Variants in ASB15 observed in about 807,000 individuals in gnomAD.
ASB15 encodes the protein ankyrin repeat and SOCS box containing 15.
Under a neutral mutation model 58.0 loss-of-function variants are expected in ASB15, and 54 were observed. That is an observed-to-expected ratio of 0.93 (90% confidence interval 0.75 to 1.17). ASB15 has a LOEUF of 1.17. ASB15 is among the 50% of genes most tolerant of loss of function. ASB15 has a pLI of 0.00. For synonymous variants in ASB15, 249 were observed against 262.4 expected (o/e 0.95, Z 0.50); for missense variants, 680 against 707.4 (o/e 0.96, Z 0.44).
At chr7:123,608,251 A>G (rs1312895450) in intron 2 of ASB15, among the ~76,000 whole-genome samples, 1 of 152,202 alleles carries the variant, frequency 6.6e-6, no homozygotes, top group African/African-American at 2.4e-5. Context: ...AAGCCCCAAA[A>G]TTTGAAGAGA....
intron 3 of ASB15, among the ~76,000 whole-genome samples, chr7:123,613,729 CT>C (rs1562927992): frequency 6.6e-6 from 1 of 152,106 alleles, no homozygotes; most frequent in Non-Finnish European, 1.5e-5. Context: ...GACTTTGAAG[CT>C]GACCATTGCT....
chr7:123,602,429 C>G (rs1799926724), intron 1 of ASB15, among the ~76,000 whole-genome samples: 1 of 152,012 alleles, frequency 6.6e-6, no homozygotes, highest in Admixed American at 6.5e-5. Flanking sequence ...AATTATATCA[C>G]AAAATCTAAA....
Position 123,616,424 on chromosome 7 carries a change from A to C in ASB15, c.221A>C (p.Glu74Ala), listed in dbSNP as rs1167291216. 1 of 1,608,596 alleles carries C rather than the reference A, an allele frequency of 6.2e-7. No homozygotes were observed. The highest frequency in any genetic ancestry group is 1.7e-5 in the Admixed American group (1 of 59,942). Residue 74 changes from glutamate (E) to alanine (A), a missense_variant, in exon 6 of 12, where the codon GAA (glutamate) becomes GCA (alanine). Transcript: ENST00000451215. ...KYKYAMDEAD[E>A]KGWFPLHEAV... ...AAATATGCAATGGATGAAGCTGATG[A>C]AAAAGGATGGTTTCCATTGCATGAA...
chr7:123,622,443 T>C (rs895862522), intron 7 of ASB15, among the ~76,000 whole-genome samples: 5 of 152,172 alleles, frequency 3.3e-5, no homozygotes, highest in African/African-American at 1.2e-4. Flanking sequence ...TTGGAAGGGA[T>C]TTCCTACCAT....
At chr7:123,597,495 A>T (rs1293445864), upstream of ASB15, among the ~76,000 whole-genome samples, 1 of 152,124 alleles carries the variant, frequency 6.6e-6, no homozygotes, top group Non-Finnish European at 1.5e-5. Flanking sequence ...AGAGTTCTGT[A>T]TTATTTGTGT....
Position 123,617,734 on chromosome 7 carries a change from A to C in ASB15, c.448A>C (p.Ile150Leu), listed in dbSNP as rs770583211. 1.9e-6 allele frequency: 3 copies of C among 1,605,934 alleles called. No individual in the cohort carries two copies. The highest frequency in any genetic ancestry group is 2.6e-6 in the Non-Finnish European group (3 of 1,175,538). Residue 150 changes from isoleucine (I) to leucine (L), a missense_variant, in exon 7 of 12, where the codon ATT (isoleucine) becomes CTT (leucine). Ile to Leu is a conservative substitution (Grantham distance 5, BLOSUM62 2). Transcript: ENST00000451215. ...KNDKGETPLL[I>L]AVKKGSYDMV... ...TGATAAAGGAGAGACCCCCCTTCTG[A>C]TTGGTAAATGACCTTTTTTTCTAGA...
rs73718423 is a variant in ASB15, at chr7:123,571,166, A to G, written c.-443+4078A>G. Among the ~76,000 whole-genome samples, 1,131 of 152,358 alleles carry G rather than the reference A, an allele frequency of 7.4e-3. 14 individuals are homozygous for G. The highest frequency in any genetic ancestry group is 0.026 in the African/African-American group (1,087 of 41,576). On this transcript the variant is annotated intron_variant, in intron 1 of 13. Coordinates refer to the ASB15 transcript ENST00000451558. ...AAAACAAATACAATTGAGAAGCACCAACTGCACAGCAGTTGAGTACATGCT... is the reference window on the plus strand; with the variant it reads ...AAAACAAATACAATTGAGAAGCACCGACTGCACAGCAGTTGAGTACATGCT...
chr7:123,585,575 T>C (rs1799353649), intron 1 of ASB15, among the ~76,000 whole-genome samples: 1 of 151,762 alleles, frequency 6.6e-6, no homozygotes, highest in African/African-American at 2.4e-5. Flanking sequence ...ATTTACACAT[T>C]GTGAAATGAT....
At position 123,620,517 on chromosome 7, in the gene ASB15, T is replaced by C. The variant is rs1562933092; in HGVS notation, c.451+2780T>C. On this transcript the variant is annotated intron_variant, in intron 7 of 11. Transcript: ENST00000451215. ...TGACACATATACATACATATATATA[T>C]ATATATATATATATATATATATATA... 7.1e-3 allele frequency among the ~76,000 whole-genome samples: 70 copies of C among 9,812 alleles called. 1 individual carries two copies. Among genetic ancestry groups the C allele is most frequent in the Non-Finnish European group, 0.013 (58 of 4,582 alleles). The allele number at this position is 9,812 out of a possible 152,430, so 6.4% of individuals were successfully genotyped here.
chr7:123,620,556 T>A (rs28535629), intron 7 of ASB15, among the ~76,000 whole-genome samples: 314 of 8,476 alleles, frequency 0.037, no homozygotes, highest in East Asian at 0.067. Context: ...ATATATATAT[T>A]TTTTTTTTTT....
rs746205048 is a variant in ASB15, at chr7:123,617,685, G to A, written c.399G>A (p.Lys133=). The change falls in exon 7 of 12, where the codon AAG becomes AAA. Residue 133 remains lysine (K), a synonymous_variant. Transcript: ENST00000451215. ...LVENVRTLLE[K]GVWPNTKNDK... ...AAAATGTAAGAACTTTATTAGAAAA[G>A]GGAGTGTGGCCCAACACAAAAAATG... The A allele has an allele frequency of 3.1e-6, 5 of 1,612,920 alleles. No individual in the cohort carries two copies. In the Admixed American group the frequency reaches 6.7e-5, roughly 22 times the overall value.
intron 2 of ASB15, among the ~76,000 whole-genome samples, chr7:123,604,652 G>A (rs1228589333): frequency 1.3e-5 from 2 of 151,790 alleles, no homozygotes; most frequent in African/African-American, 2.4e-5. Flanking sequence ...ACACTTTGAT[G>A]TTCAAACTGA....
At chr7:123,610,199 A>G (rs1475716229) in intron 3 of ASB15, among the ~76,000 whole-genome samples, 1 of 152,216 alleles carries the variant, frequency 6.6e-6, no homozygotes, top group Non-Finnish European at 1.5e-5. Flanking sequence ...GAAAGACCTT[A>G]AAAGTGAAGG....
At chr7:123,577,987 C>A (rs1270604724) in intron 1 of ASB15, among the ~76,000 whole-genome samples, 1 of 151,616 alleles carries the variant, frequency 6.6e-6, no homozygotes, top group African/African-American at 2.4e-5. Flanking sequence ...TGATTTGCTG[C>A]ACCCATCAAC....
chr7:123,594,217 G>A (rs1277725967), intron 1 of ASB15, among the ~76,000 whole-genome samples: 1 of 151,962 alleles, frequency 6.6e-6, no homozygotes, highest in Non-Finnish European at 1.5e-5. Flanking sequence ...CTTGCAATGG[G>A]TTAGAACATG....
intron 10 of ASB15, 112 bp downstream of exon 10, chr7:123,629,546 T>G (rs997927896): frequency 5.7e-6 from 6 of 1,056,732 alleles, no homozygotes; most frequent in African/African-American, 1.6e-5. Flanking sequence ...TTTCTATTTT[T>G]CTTGTTTTTT....
intron 1 of ASB15, chr7:123,596,378 G>T (rs999585310): frequency 2.6e-5 from 4 of 151,988 alleles, no homozygotes; most frequent in Admixed American, 2.6e-4. Context: ...TTGAAGGGTG[G>T]GTAGATTGCT....
intron 3 of ASB15, among the ~76,000 whole-genome samples, chr7:123,609,795 G>C (rs79731085): frequency 0.017 from 2,578 of 152,296 alleles, 74 homozygotes; most frequent in African/African-American, 0.059. Context: ...TTACAGGAAG[G>C]CATTAGCTCT....
chr7:123,598,475 T>C (rs774205171), upstream of ASB15, among the ~76,000 whole-genome samples: 33 of 152,002 alleles, frequency 2.2e-4, no homozygotes, highest in Non-Finnish European at 4.0e-4. Context: ...TTCACAATAG[T>C]GAAAATTAAG....
Sources: gnomAD v4.1 joint callset for allele counts (sites outside exome capture counted in the v4.1 genomes callset) on GRCh38, gnomAD v4.1.1 for gene constraint, MANE v1.5 for transcripts, NCBI Gene and HGNC (gene_info 2026-07-23, HGNC 2026-07-21) for gene names.